Variants in NTRK1 observed in about 807,000 individuals in gnomAD.
NTRK1 encodes neurotrophic receptor tyrosine kinase 1.
NTRK1 carries 62 observed loss-of-function variants against 86.8 expected under a neutral mutation model. The observed-to-expected ratio is 0.71, with a 90% confidence interval of 0.58 to 0.88. The LOEUF is 0.88. NTRK1 is among the 40% of genes least tolerant of loss of function. The pLI, the probability that NTRK1 is intolerant of heterozygous loss-of-function variation, is 0.00. For missense variants in NTRK1, 967 were observed against 1,078.4 expected, an observed-to-expected ratio of 0.90 and a Z score of 1.45; for synonymous variants, 469 against 456.6, an observed-to-expected ratio of 1.03 and a Z score of -0.35.
chr1:156,866,820 T>C (rs1346787328), intron 3 of NTRK1, 90 bp from the exon 4 acceptor site: 41 of 1,383,128 alleles, frequency 3.0e-5, no homozygotes, highest in Non-Finnish European at 1.7e-5. Context: ...AGATGTCAAC[T>C]TCTTTCTTGG....
At chr1:156,847,920 C>G (rs1243454540) in intron 2 of NTRK1, among the ~76,000 whole-genome samples, 1 of 151,984 alleles carries the variant, frequency 6.6e-6, no homozygotes, top group Non-Finnish European at 1.5e-5. Context: ...AGTGCACAAG[C>G]CGGGGAGCTG....
intron 2 of NTRK1, chr1:156,851,420 G>A (rs184000730): frequency 6.2e-7 from 1 of 1,614,176 alleles, no homozygotes; most frequent in East Asian, 2.2e-5. Flanking sequence ...TGCTGCAGCT[G>A]TGGCTCCAGG....
At chr1:156,852,209 T>C in intron 2 of NTRK1, 1 of 1,562,228 alleles carries the variant, frequency 6.4e-7, no homozygotes. Flanking sequence ...GAGAGTGGTG[T>C]GTTAGACGTT....
At chr1:156,824,451 C>A (rs563340608) in intron 1 of NTRK1, among the ~76,000 whole-genome samples, 1 of 152,314 alleles carries the variant, frequency 6.6e-6, no homozygotes, top group East Asian at 1.9e-4. Context: ...GAGTCTGGGC[C>A]ACCACCTGCT....
chr1:156,841,027 T>G, intron 1 of NTRK1: 2 of 1,604,402 alleles, frequency 1.2e-6, no homozygotes, highest in Non-Finnish European at 1.7e-6. Context: ...CAGCTCCTCC[T>G]GTATGCTGTC....
chr1:156,866,791 A>T, intron 3 of NTRK1, 119 bp from the exon 4 acceptor site: 4 of 856,380 alleles, frequency 4.7e-6, no homozygotes, highest in Non-Finnish European at 3.6e-6. Flanking sequence ...CTGGTTGCCT[A>T]GGCCGGGGCG....
chr1:156,819,872 G>A (rs754530390), intron 1 of NTRK1, among the ~76,000 whole-genome samples: 19 of 152,114 alleles, frequency 1.2e-4, no homozygotes, highest in Non-Finnish European at 1.5e-5. Flanking sequence ...CTGGGCACTG[G>A]GTGTTGTTGG....
chr1:156,844,186 G>A lies in NTRK1; in HGVS notation c.50+1993G>A, dbSNP rs145379996. On this transcript the variant is annotated intron_variant, in intron 2 of 16. Coordinates refer to the NTRK1 transcript ENST00000392302. ...GGACTTATCATCACCTCTTCTTGCC[G>A]TAGAAGAAACCAAGGGCAGCAAGAA... 2.9e-4 allele frequency: 472 copies of A among 1,612,974 alleles called. 1 individual carries two copies. Among genetic ancestry groups the A allele is most frequent in the Non-Finnish European group, 3.7e-4 (441 of 1,179,198 alleles).
rs574015306 is a variant in NTRK1, at chr1:156,816,766, G to T, written c.-64+928G>T. 2.3e-5 allele frequency: 34 copies of T among 1,483,876 alleles called. No individual in the cohort carries two copies. In the African/African-American group the frequency reaches 3.1e-4, roughly 14 times the overall value. The allele number at this position is 1,483,876 out of a possible 1,614,324, so 91.9% of individuals were successfully genotyped here. Reference sequence around the variant, plus strand: ...GTGTGTGTATGTGTTCCGGAAAGGTGTGCACACTCAGCAACTCATCATCTC... The same window carrying T: ...GTGTGTGTATGTGTTCCGGAAAGGTTTGCACACTCAGCAACTCATCATCTC... On this transcript the variant is annotated intron_variant, in intron 1 of 16. Coordinates refer to the NTRK1 transcript ENST00000392302.
At chr1:156,853,612 C>T in intron 2 of NTRK1, 1 of 893,754 alleles carries the variant, frequency 1.1e-6, no homozygotes, top group South Asian at 1.8e-5. Flanking sequence ...CCTTAGTTTC[C>T]TTACCTGCCT....
chr1:156,875,878 C>T, intron 12 of NTRK1: 1 of 1,082,862 alleles, frequency 9.2e-7, no homozygotes, highest in Non-Finnish European at 1.4e-6. Flanking sequence ...CACAGCTAGC[C>T]CAAACCATGT....
chr1:156,825,101 C>G (rs1052150938), intron 1 of NTRK1, among the ~76,000 whole-genome samples: 1 of 152,128 alleles, frequency 6.6e-6, no homozygotes, highest in Non-Finnish European at 1.5e-5. Flanking sequence ...GTTGGTCAGG[C>G]TGGTCTCAAA....
intron 6 of NTRK1, 101 bp from the exon 7 acceptor site, chr1:156,871,522 C>T (rs2102899707): frequency 1.5e-6 from 2 of 1,348,022 alleles, no homozygotes; most frequent in Non-Finnish European, 2.1e-6. Flanking sequence ...CAGCCCTCCT[C>T]TCCTTTCCAT....
At chr1:156,858,491 G>A, upstream of NTRK1, 2 of 1,486,486 alleles carry the variant, frequency 1.3e-6, no homozygotes, top group Non-Finnish European at 1.9e-6. Context: ...CCTCCCAGCT[G>A]GCTGGGAGGG....
At chr1:156,853,288 C>T (rs1464703513) in intron 2 of NTRK1, among the ~76,000 whole-genome samples, 1 of 152,194 alleles carries the variant, frequency 6.6e-6, no homozygotes, top group Non-Finnish European at 1.5e-5. Flanking sequence ...ATGACCCAGG[C>T]CCTGCTCTGA....
At chr1:156,845,970 T>C (rs768198744) in intron 2 of NTRK1, 2 of 1,612,874 alleles carry the variant, frequency 1.2e-6, no homozygotes, top group Non-Finnish European at 1.7e-6. Context: ...CAGTAGTCAT[T>C]GAGGTAGAGG....
chr1:156,825,206 A>C (rs1216027093), intron 1 of NTRK1, among the ~76,000 whole-genome samples: 1 of 152,148 alleles, frequency 6.6e-6, no homozygotes, highest in African/African-American at 2.4e-5. Context: ...GACCTCTCTT[A>C]TCCTGGGACT....
intron 2 of NTRK1, among the ~76,000 whole-genome samples, chr1:156,847,626 GC>G (rs1337184583): frequency 3.3e-5 from 5 of 152,062 alleles, no homozygotes; most frequent in Admixed American, 3.3e-4. Flanking sequence ...GGAAGTGCCT[GC>G]CTTTGTTGGG....
At chr1:156,851,161 A>T in intron 2 of NTRK1, 1 of 946,598 alleles carries the variant, frequency 1.1e-6, no homozygotes, top group Non-Finnish European at 1.7e-6. Context: ...CAGAGAAGTT[A>T]ACCTACTTAG....
Sources: allele counts gnomAD v4.1 joint callset (sites outside exome capture counted in the v4.1 genomes callset), GRCh38; gene constraint gnomAD v4.1.1; transcripts MANE v1.5; gene names NCBI Gene and HGNC (gene_info 2026-07-23, HGNC 2026-07-21).